The following CRB1 variants were observed in gnomAD, a reference collection of about 807,000 sequenced individuals.
CRB1 encodes crumbs cell polarity complex component 1.
Under a neutral mutation model 120.0 loss-of-function variants are expected in CRB1, and 83 were observed. The ratio of observed to expected loss-of-function variants is 0.69; its 90% CI spans 0.58 to 0.83. The LOEUF is 0.83. CRB1 is among the 40% of genes least tolerant of loss of function. The probability of loss-of-function intolerance (pLI) is 0.00; values close to 1 mark genes in which losing one functional copy is unlikely to be tolerated. For missense variants in CRB1, 1,699 were observed against 1,687.6 expected (o/e 1.01, Z -0.12); for synonymous variants, 625 against 612.5 (o/e 1.02, Z -0.30).
intron 8 of CRB1, among the ~76,000 whole-genome samples, chr1:197,431,357 G>A (rs965377696): frequency 6.6e-6 from 1 of 152,002 alleles, no homozygotes; most frequent in African/African-American, 2.4e-5. Flanking sequence ...TACCACACAT[G>A]TATAGAAAAC....
At chr1:197,312,595 C>CA in intron 1 of CRB1, among the ~76,000 whole-genome samples, 1 of 151,990 alleles carries the variant, frequency 6.6e-6, no homozygotes, top group Non-Finnish European at 1.5e-5. Flanking sequence ...AACAAACAAA[C>CA]AAACAAACAC....
chr1:197,354,162 G>A (rs1660285569), intron 4 of CRB1, among the ~76,000 whole-genome samples: 2 of 152,118 alleles, frequency 1.3e-5, no homozygotes, highest in Non-Finnish European at 2.9e-5. Flanking sequence ...GTTGGCAAAC[G>A]TTTTGAGCCA....
rs570058896 is a variant in CRB1 at position 197,330,698 on chromosome 1, C to T, written c.652+1695C>T. Among the ~76,000 whole-genome samples, 3 of 152,222 alleles carry T rather than the reference C, an allele frequency of 2.0e-5. No homozygotes were observed. The South Asian group carries it at 6.2e-4, about 32-fold the overall frequency. ...CTGGAATAATAATTCCACACTGCTGCAGTAATTATATTCATTATGTTTGTA... is the reference window on the plus strand; with the variant it reads ...CTGGAATAATAATTCCACACTGCTGTAGTAATTATATTCATTATGTTTGTA... On this transcript the variant is annotated intron_variant, in intron 2 of 11. Transcript: ENST00000367400.
chr1:197,358,390 C>A (rs978836451), intron 5 of CRB1, among the ~76,000 whole-genome samples: 9 of 151,838 alleles, frequency 5.9e-5, no homozygotes, highest in Non-Finnish European at 1.2e-4. Flanking sequence ...GCTAATATTA[C>A]CTCATCAAAT....
Position 197,427,807 on chromosome 1 carries a change from G to T in CRB1, c.2482G>T (p.Asp828Tyr). 6.2e-7 allele frequency: 1 copy of T among 1,614,040 alleles called. No homozygotes were observed. The highest frequency in any genetic ancestry group is 8.5e-7 in the Non-Finnish European group (1 of 1,179,990). ...TTCTACGTGGAAAATCGAAAAGGGA[G>T]ATGTCATCTACATTGGTGGCCTACC... ...SASTWKIEKG[D>Y]VIYIGGLPDK... Residue 828 changes from aspartate to tyrosine, a missense_variant, in exon 7 of 12, where the codon GAT becomes TAT. Transcript: ENST00000367400.
intron 6 of CRB1, among the ~76,000 whole-genome samples, chr1:197,424,491 A>T (rs1039533819): frequency 6.6e-6 from 1 of 152,186 alleles, no homozygotes; most frequent in Non-Finnish European, 1.5e-5. Context: ...CCGACACTTC[A>T]TCAGCTGCTT....
At chr1:197,248,596 T>G in the CRB1 span, among the ~76,000 whole-genome samples, 5 of 151,956 alleles carry the variant, frequency 3.3e-5, no homozygotes, top group South Asian at 6.2e-4. Flanking sequence ...TCTCTGTTTA[T>G]TATAACAAAA....
chr1:197,461,723 C>T (rs775030146), intron 11 of CRB1, among the ~76,000 whole-genome samples: 10 of 152,224 alleles, frequency 6.6e-5, no homozygotes, highest in Non-Finnish European at 1.5e-4. Context: ...AGATTGGGCT[C>T]GACACATGAA....
the CRB1 span, among the ~76,000 whole-genome samples, chr1:197,224,677 T>G: frequency 6.6e-6 from 1 of 152,130 alleles, no homozygotes; most frequent in African/African-American, 2.4e-5. Context: ...TTCTTGGCTA[T>G]TAATACTGCA....
rs899402946 is a variant in CRB1 at position 197,478,061 on chromosome 1, T to C, written c.*182T>C. 1 of 665,144 alleles carries C rather than the reference T, an allele frequency of 1.5e-6. No individual in the cohort carries two copies. The highest frequency in any genetic ancestry group is 2.5e-5 in the Admixed American group (1 of 40,398). 41.2% of individuals were successfully genotyped at this position (665,144 alleles called of 1,614,324 possible). A position where few individuals can be genotyped will look rare whatever the true frequency, so the allele number is the denominator to read the frequency against. ...GGTTCCGCTCGACACCATTGTTTTA[T>C]TATATTATATCAGCCAATTGCAAAA... On this transcript the variant is annotated 3_prime_UTR_variant, in exon 12 of 12. Transcript: ENST00000367400.
chr1:197,374,805 A>G (rs909614207), intron 5 of CRB1, among the ~76,000 whole-genome samples: 4 of 151,754 alleles, frequency 2.6e-5, no homozygotes, highest in African/African-American at 9.7e-5. Context: ...ATCTTTCAGT[A>G]CTCCTTGACT....
At chr1:197,427,294 T>C (rs368505107) in intron 6 of CRB1, among the ~76,000 whole-genome samples, 160 bp from the exon 7 acceptor site, 1 of 152,176 alleles carries the variant, frequency 6.6e-6, no homozygotes, top group East Asian at 1.9e-4. Flanking sequence ...TTATTCTATT[T>C]AATAAACCTG....
chr1:197,220,044 T>G, the CRB1 span, among the ~76,000 whole-genome samples: 2 of 152,194 alleles, frequency 1.3e-5, no homozygotes, highest in African/African-American at 4.8e-5. Context: ...TAGCTATAAT[T>G]TTTTTTGTGT....
At chr1:197,220,637 G>T in the CRB1 span, among the ~76,000 whole-genome samples, 1 of 152,194 alleles carries the variant, frequency 6.6e-6, no homozygotes, top group East Asian at 1.9e-4. Flanking sequence ...GAAGAAAAAT[G>T]TATTTCTTAG....
intron 5 of CRB1, among the ~76,000 whole-genome samples, chr1:197,420,505 A>G (rs1664249552): frequency 1.3e-5 from 2 of 152,172 alleles, no homozygotes; most frequent in South Asian, 4.1e-4. Context: ...TGGACTATTT[A>G]TATTTCTGGC....
chr1:197,222,302 A>C, the CRB1 span: 1 of 673,450 alleles, frequency 1.5e-6, no homozygotes, highest in Non-Finnish European at 2.8e-6. Context: ...TTATTTTCAG[A>C]AATGGAAATT....
At chr1:197,301,783 G>C (rs1656876326) in intron 1 of CRB1, among the ~76,000 whole-genome samples, 1 of 152,118 alleles carries the variant, frequency 6.6e-6, no homozygotes, top group Admixed American at 6.5e-5. Flanking sequence ...TGCGGATGTG[G>C]TGGAAATAGC....
intron 1 of CRB1, among the ~76,000 whole-genome samples, chr1:197,274,378 T>G (rs1655074093): frequency 6.6e-6 from 1 of 152,178 alleles, no homozygotes; most frequent in Non-Finnish European, 1.5e-5. Flanking sequence ...CAACCCCTTC[T>G]GTGAGATTAT....
At chr1:197,295,893 G>A (rs958251915) in intron 1 of CRB1, among the ~76,000 whole-genome samples, 1 of 151,960 alleles carries the variant, frequency 6.6e-6, no homozygotes, top group Non-Finnish European at 1.5e-5. Flanking sequence ...GTGAAACACA[G>A]CATCACATAG....
Sources: gnomAD v4.1 joint callset for allele counts (sites outside exome capture counted in the v4.1 genomes callset) on GRCh38, gnomAD v4.1.1 for gene constraint, MANE v1.5 for transcripts, NCBI Gene and HGNC (gene_info 2026-07-23, HGNC 2026-07-21) for gene names.